Variants in HDAC5 observed in about 807,000 individuals in gnomAD.
HDAC5 encodes histone deacetylase 5, also known as antigen NY-CO-9.
A neutral mutation model predicts 133.3 loss-of-function variants in HDAC5; 25 were observed. That is an observed-to-expected ratio of 0.19 (90% confidence interval 0.14 to 0.26). The LOEUF (loss-of-function observed/expected upper bound fraction) is 0.26. Among genes scored for constraint, HDAC5 ranks in the 10% least tolerant of loss-of-function variants. HDAC5 has a pLI of 1.00. For missense variants in HDAC5, 1,041 were observed against 1,460.5 expected, an observed-to-expected ratio of 0.71 and a Z score of 4.68; for synonymous variants, 589 against 610.8, an observed-to-expected ratio of 0.96 and a Z score of 0.53.
intron 14 of HDAC5, 41 bp downstream of exon 14, chr17:44,086,531 T>A: frequency 7.8e-7 from 1 of 1,277,440 alleles, no homozygotes; most frequent in Non-Finnish European, 1.0e-6. Context: ...ACAGGCCCTC[T>A]GGTGCCTGGC....
intron 3 of HDAC5, among the ~76,000 whole-genome samples, chr17:44,094,746 ATG>A (rs59209668): frequency 4.9e-4 from 74 of 150,574 alleles, no homozygotes; most frequent in South Asian, 4.0e-3. Context: ...GTGTGTACGT[ATG>A]TGTGTGTATA....
chr17:44,078,841 G>A lies in HDAC5; in HGVS notation c.3117C>T (p.Pro1039=). ...PLDEAVLQQK[P]NINAVATLEK... is the part of the protein sequence containing the mutation. ...CTAGCGTGGCCACTGCGTTGATGTT[G>A]GGCTTTTGCTGCAAGACTGCCTCAT... is the stretch of plus-strand genomic sequence containing the variant. Residue 1039 remains proline (P), a synonymous_variant, in exon 25 of 27, where the codon CCC becomes CCT. Transcript: ENST00000682912. 6.2e-7 allele frequency: 1 copy of A among 1,614,154 alleles called. No individual in the cohort carries two copies. The highest frequency in any genetic ancestry group is 1.1e-5 in the South Asian group (1 of 91,086).
At chr17:44,086,859 C>T in intron 13 of HDAC5, 122 bp from the exon 14 acceptor site, 3 of 614,066 alleles carry the variant, frequency 4.9e-6, no homozygotes, top group Middle Eastern at 5.0e-4. Context: ...CTCCTTCCCC[C>T]ACCTCCTCCC....
chr17:44,084,922 T>C lies in HDAC5; in HGVS notation c.2184+100A>G, dbSNP rs909391202. 2.7e-6 allele frequency: 4 copies of C among 1,462,390 alleles called. No individual in the cohort carries two copies. The Admixed American group carries it at 5.8e-5, about 21-fold the overall frequency. 90.6% of individuals were successfully genotyped at this position (1,462,390 alleles called of 1,614,324 possible). On this transcript the variant is annotated intron_variant, in intron 15 of 26. Transcript: ENST00000682912. ...GAGAACTGGCCCCGAAGTCTGGGGC[T>C]GAAGAGAGGATGAGGAAGAAGCATG...
At position 44,077,137 on chromosome 17, in the gene HDAC5, A is replaced by G. The variant is rs1360013547; in HGVS notation, c.*1239T>C. On this transcript the variant is annotated 3_prime_UTR_variant, in exon 27 of 27. Coordinates refer to ENST00000682912, the MANE Select transcript of HDAC5 (RefSeq NM_005474.5). ...AGAGAAAGTATATGTGGTACTGGGG[A>G]GGAGGAGGAAGGAAGAGTCAGCCCC... is the stretch of plus-strand genomic sequence containing the variant. 6.5e-6 allele frequency: 1 copy of G among 152,678 alleles called. No homozygotes were observed. Among genetic ancestry groups the G allele is most frequent in the African/African-American group, 2.4e-5 (1 of 41,380 alleles). The allele number at this position is 152,678 out of a possible 1,614,324, so 9.5% of individuals were successfully genotyped here.
rs564656893 is a variant in HDAC5, at chr17:44,079,000, C to G, written c.3079-121G>C. The G allele has an allele frequency of 6.6e-6, 10 of 1,508,196 alleles. No homozygotes were observed. The South Asian group carries it at 1.2e-4, about 17-fold the overall frequency. 93.4% of individuals were successfully genotyped at this position (1,508,196 alleles called of 1,614,324 possible). A position where few individuals can be genotyped will look rare whatever the true frequency, so the allele number is the denominator to read the frequency against. ...CAGGGGCAAACATGGCCTTTTTGGA[C>G]AAACGCATACTCAGAAAGCCTGGCC... On this transcript the variant is annotated intron_variant, in intron 24 of 26. Transcript: ENST00000682912.
rs559768455 is a variant in HDAC5 at position 44,110,969 on chromosome 17, C to G, written c.23-169G>C. 21 of 622,204 alleles carry G rather than the reference C, an allele frequency of 3.4e-5. No homozygotes were observed. In the Admixed American group the frequency reaches 4.6e-4, roughly 14 times the overall value. 38.5% of individuals were successfully genotyped at this position (622,204 alleles called of 1,614,324 possible). A position where few individuals can be genotyped will look rare whatever the true frequency, so the allele number is the denominator to read the frequency against. ...AGCACAGGTTCCCTCAGGCCACTGCCGACGGGACCCACACTGTAGGGAAGT... is the reference window on the plus strand; with the variant it reads ...AGCACAGGTTCCCTCAGGCCACTGCGGACGGGACCCACACTGTAGGGAAGT... On this transcript the variant is annotated intron_variant, in intron 2 of 26. Transcript: ENST00000682912.
intron 1 of HDAC5, among the ~76,000 whole-genome samples, chr17:44,119,377 A>C (rs1181695615): frequency 6.6e-6 from 1 of 152,244 alleles, no homozygotes; most frequent in Non-Finnish European, 1.5e-5. Context: ...AGGCACCTCC[A>C]CAGCAAGGTG....
rs1159152269 is a variant in HDAC5 at position 44,095,750 on chromosome 17, G to T, written c.95-1916C>A. Among the ~76,000 whole-genome samples, 4 of 152,254 alleles carry T rather than the reference G, an allele frequency of 2.6e-5. No individual in the cohort carries two copies. The East Asian group carries it at 7.7e-4, about 29-fold the overall frequency. On this transcript the variant is annotated intron_variant, in intron 3 of 26. Transcript: ENST00000682912. ...TGGGCGGGCAGGCAGCAGGGAGGAG[G>T]TGGGAGGAGGAGACAGGAAAGGAAA... is the stretch of plus-strand genomic sequence containing the variant.
intron 3 of HDAC5, among the ~76,000 whole-genome samples, chr17:44,101,247 C>T (rs1184367773): frequency 4.0e-5 from 6 of 150,294 alleles, no homozygotes; most frequent in Admixed American, 3.3e-4. Flanking sequence ...CTACTAAAAA[C>T]ACAAAAAATT....
In HDAC5 at chr17:44,079,180, G is replaced by A. The variant is rs1406014549; in HGVS notation, c.3042C>T (p.Ala1014=). 3 of 1,613,088 alleles carry A rather than the reference G, an allele frequency of 1.9e-6. No individual in the cohort carries two copies. The highest frequency in any genetic ancestry group is 1.7e-6 in the Non-Finnish European group (2 of 1,179,146). Residue 1014 remains alanine, a synonymous_variant, in exon 24 of 27, where the codon GCC becomes GCT. Coordinates refer to ENST00000682912, the MANE Select transcript of HDAC5 (RefSeq NM_005474.5). ...GGHDLTAICD[A]SEACVSALLS... is the part of the protein sequence containing the mutation. ...GCAGAGCCGAGACACAAGCCTCAGA[G>A]GCATCACAGATGGCGGTCAAGTCAT...
At chr17:44,105,712 G>C (rs1233370470) in intron 3 of HDAC5, among the ~76,000 whole-genome samples, 2 of 152,152 alleles carry the variant, frequency 1.3e-5, no homozygotes, top group Non-Finnish European at 2.9e-5. Flanking sequence ...AGGCGGCTGG[G>C]AGTTGGATTC....
At position 44,085,052 on chromosome 17, in the gene HDAC5, C is replaced by G; in HGVS notation, c.2154G>C (p.Leu718=). The G allele has an allele frequency of 6.3e-7, 1 of 1,594,984 alleles. No individual in the cohort carries two copies. Among genetic ancestry groups the G allele is most frequent in the Non-Finnish European group, 8.6e-7 (1 of 1,164,046 alleles). Reference sequence around the variant, plus strand: ...ACTTGCTAAGCAGGCCTGTCTCCTGCAGCCGGGACCAGATGCTCTGGATCC... The same window carrying G: ...ACTTGCTAAGCAGGCCTGTCTCCTGGAGCCGGGACCAGATGCTCTGGATCC... The part of the protein sequence containing the change: ...AGRIQSIWSR[L]QETGLLSKCE... Residue 718 remains leucine (L), a synonymous_variant, in exon 15 of 27, where the codon CTG becomes CTC. Coordinates refer to ENST00000682912, the MANE Select transcript of HDAC5 (RefSeq NM_005474.5).
chr17:44,107,903 C>A (rs1201578570), intron 3 of HDAC5, among the ~76,000 whole-genome samples: 2 of 152,128 alleles, frequency 1.3e-5, no homozygotes, highest in East Asian at 3.9e-4. Context: ...TCCTCCATGC[C>A]ATCTCATAAA....
intron 3 of HDAC5, among the ~76,000 whole-genome samples, chr17:44,102,173 G>C (rs956737620): frequency 1.3e-5 from 2 of 152,182 alleles, no homozygotes; most frequent in African/African-American, 4.8e-5. Context: ...GGTGAGTTGG[G>C]GCTGACATCT....
intron 11 of HDAC5, among the ~76,000 whole-genome samples, chr17:44,089,802 T>TA (rs2050848472): frequency 7.0e-6 from 1 of 143,764 alleles, no homozygotes; most frequent in South Asian, 2.2e-4. Flanking sequence ...CACACGCCTG[T>TA]AGTCTTAACT....
Position 44,079,639 on chromosome 17 carries a change from CA to C in HDAC5, c.2945-363del, listed in dbSNP as rs773678478. Among the ~76,000 whole-genome samples the C allele has an allele frequency of 9.4e-3, 622 of 66,016 alleles. 3 individuals are homozygous for C. The highest frequency in any genetic ancestry group is 0.046 in the African/African-American group (577 of 12,642). 43.3% of individuals were successfully genotyped at this position (66,016 alleles called of 152,430 possible). On this transcript the variant is annotated intron_variant, in intron 23 of 26. Transcript: ENST00000682912. ...TGGGTGACAGAGTGAGACTCCACCT[CA>C]AAAAAAAAAAAAAAAAAAAAGAAAG...
chr17:44,086,617 T>C lies in HDAC5; in HGVS notation c.2005A>G (p.Met669Val), dbSNP rs1198802824. 1.5e-6 allele frequency: 2 copies of C among 1,303,892 alleles called. No individual in the cohort carries two copies. Among genetic ancestry groups the C allele is most frequent in the East Asian group, 2.8e-5 (1 of 35,436 alleles). The allele number at this position is 1,303,892 out of a possible 1,614,324, so 80.8% of individuals were successfully genotyped here. ...ACGGGCTGGTCTGGGGGGCTCTTCA[T>C]GCCCCCAGGGGCAGCAGGGGAGGAC... The part of the protein sequence containing the change: ...TQSSPAAPGG[M>V]KSPPDQPVKH... Residue 669 changes from methionine to valine, a missense_variant, in exon 14 of 27, where the codon ATG (methionine) becomes GTG (valine). Met to Val is a conservative substitution (Grantham distance 21). Transcript: ENST00000682912.
rs777280282 is a variant in HDAC5 at position 44,087,433 on chromosome 17, C to T, written c.1863G>A (p.Glu621=). Reference sequence around the variant, plus strand: ...TCACTTTTTTGTATCCAGCACCAGGCTCCTCCAAGTCGGGCCCCTCCTCAG... The same window carrying T: ...TCACTTTTTTGTATCCAGCACCAGGTTCCTCCAAGTCGGGCCCCTCCTCAG... The part of the protein sequence containing the change: ...SGAEEGPDLE[E]PGAGYKKLFS... Residue 621 remains glutamate (E), a synonymous_variant, in exon 13 of 27, where the codon GAG becomes GAA. Coordinates refer to ENST00000682912, the MANE Select transcript of HDAC5 (RefSeq NM_005474.5). 1.6e-5 allele frequency: 18 copies of T among 1,142,352 alleles called. No homozygotes were observed. Among genetic ancestry groups the T allele is most frequent in the South Asian group, 1.1e-4 (9 of 81,252 alleles). The allele number at this position is 1,142,352 out of a possible 1,614,324, so 70.8% of individuals were successfully genotyped here.
Sources: gnomAD v4.1 joint callset for allele counts (sites outside exome capture counted in the v4.1 genomes callset) on GRCh38, gnomAD v4.1.1 for gene constraint, MANE v1.5 for transcripts, NCBI Gene and HGNC (gene_info 2026-07-23, HGNC 2026-07-21) for gene names.